Variants in ATOX1 observed in about 807,000 individuals in gnomAD.
ATOX1 encodes the protein antioxidant 1 copper chaperone.
In ATOX1, 4 loss-of-function variants were observed where a neutral mutation model predicts 7.3. That is an observed-to-expected ratio of 0.55 (90% confidence interval 0.27 to 1.25). The LOEUF is 1.25. Ranked by LOEUF, ATOX1 falls within the 50% of genes most tolerant of loss-of-function variation. The probability of loss-of-function intolerance (pLI) is 0.12; values close to 1 mark genes in which losing one functional copy is unlikely to be tolerated. For synonymous variants in ATOX1, 25 were observed against 28.7 expected, an observed-to-expected ratio of 0.87 and a Z score of 0.41; for missense variants, 68 against 81.6, an observed-to-expected ratio of 0.83 and a Z score of 0.64.
intron 2 of ATOX1, among the ~76,000 whole-genome samples, chr5:151,747,678 G>C (rs575960532): frequency 6.6e-6 from 1 of 151,752 alleles, no homozygotes; most frequent in Admixed American, 6.6e-5. Context: ...CCTGACTCCC[G>C]GGTTCAAGCG....
intron 2 of ATOX1, among the ~76,000 whole-genome samples, chr5:151,748,942 A>C (rs2113178930): frequency 6.6e-6 from 1 of 151,990 alleles, no homozygotes; most frequent in Non-Finnish European, 1.5e-5. Context: ...AAAAAACAAA[A>C]ACAAAAACAA....
Position 151,751,693 on chromosome 5 carries a change from C to A in ATOX1, c.82+11G>T. ...GGCATAAGTGCACCCAACTCAGGGCCACTCACTCACCTCCAAGCTTATTGA... is the reference window on the plus strand; with the variant it reads ...GGCATAAGTGCACCCAACTCAGGGCAACTCACTCACCTCCAAGCTTATTGA... On this transcript the variant is annotated intron_variant, in intron 2 of 3. Coordinates refer to ENST00000313115, the MANE Select transcript of ATOX1 (RefSeq NM_004045.4). 6.3e-7 allele frequency: 1 copy of A among 1,598,908 alleles called. No individual in the cohort carries two copies. The highest frequency in any genetic ancestry group is 8.5e-7 in the Non-Finnish European group (1 of 1,172,812).
chr5:151,751,919 C>T (rs930113792), intron 1 of ATOX1, 140 bp from the exon 2 acceptor site: 13 of 732,178 alleles, frequency 1.8e-5, no homozygotes, highest in Admixed American at 1.1e-4. Flanking sequence ...TCATCAGAAG[C>T]CTGTTTCTGA....
intron 1 of ATOX1, among the ~76,000 whole-genome samples, chr5:151,758,024 G>A (rs1225482066): frequency 6.6e-6 from 1 of 152,214 alleles, no homozygotes; most frequent in Non-Finnish European, 1.5e-5. Context: ...TCTCCATTCA[G>A]TGTCGCCCAG....
At chr5:151,749,906 T>G (rs1245220870) in intron 2 of ATOX1, among the ~76,000 whole-genome samples, 1 of 152,196 alleles carries the variant, frequency 6.6e-6, no homozygotes, top group Non-Finnish European at 1.5e-5. Flanking sequence ...GCAAGTCACT[T>G]AACCTCCTGG....
chr5:151,752,044 TG>T (rs1394579373), intron 1 of ATOX1: 1 of 597,754 alleles, frequency 1.7e-6, no homozygotes, highest in Non-Finnish European at 3.0e-6. Flanking sequence ...TAGAATCACC[TG>T]GAGATCTAGT....
chr5:151,746,429 G>C lies in ATOX1; in HGVS notation c.103C>G (p.Leu35Val). The change falls in exon 3 of 4, where the codon CTG (leucine) becomes GTG (valine). Residue 35 changes from leucine (L) to valine (V), a missense_variant. Transcript: ENST00000313115. ...TCAATGCAGACCTTCTTGTTGGGCAGGTCAATGTCATACTTAACTCCTGCA... is the reference window on the plus strand; with the variant it reads ...TCAATGCAGACCTTCTTGTTGGGCACGTCAATGTCATACTTAACTCCTGCA... ...KLGGVKYDIDLPNKKVCIESE... is the reference protein window; with the variant it reads ...KLGGVKYDIDVPNKKVCIESE... 3 of 1,613,856 alleles carry C rather than the reference G, an allele frequency of 1.9e-6. No individual in the cohort carries two copies. Among genetic ancestry groups the C allele is most frequent in the Non-Finnish European group, 2.5e-6 (3 of 1,179,806 alleles).
intron 3 of ATOX1, chr5:151,744,802 C>T (rs1761862606): frequency 6.6e-6 from 1 of 152,194 alleles, no homozygotes; most frequent in African/African-American, 2.4e-5. Context: ...ATGTAAGAAA[C>T]ACTGTTCTTC....
Position 151,754,877 on chromosome 5 carries a change from A to G in ATOX1, c.7-3098T>C, listed in dbSNP as rs28917185. Among the ~76,000 whole-genome samples the G allele has an allele frequency of 3.4e-4, 51 of 151,802 alleles. No individual in the cohort carries two copies. The East Asian group carries it at 9.3e-3, about 28-fold the overall frequency. ...CATGCGCCTGTAGTCCCAGCTACTC[A>G]AGAGGCTGAGGCAGGAGAATCGCTT... On this transcript the variant is annotated intron_variant, in intron 1 of 3. Transcript: ENST00000313115.
intron 1 of ATOX1, among the ~76,000 whole-genome samples, chr5:151,756,720 C>T (rs28917177): frequency 0.014 from 2,157 of 151,858 alleles, 49 homozygotes; most frequent in African/African-American, 0.048. Flanking sequence ...GTGATCTGCC[C>T]GCCTGGGCCT....
chr5:151,750,572 GAAGTA>G (rs1388514268), intron 2 of ATOX1, among the ~76,000 whole-genome samples: 17 of 136,514 alleles, frequency 1.2e-4, no homozygotes, highest in African/African-American at 4.6e-4. Context: ...TTTTTTTTTT[GAAGTA>G]AAGAAACAGA....
intron 1 of ATOX1, among the ~76,000 whole-genome samples, chr5:151,755,545 AG>A (rs934286458): frequency 6.6e-6 from 1 of 152,188 alleles, no homozygotes; most frequent in Non-Finnish European, 1.5e-5. Context: ...ACACATTTTT[AG>A]GGAGCACAGT....
At chr5:151,749,789 CAT>C (rs1328147258) in intron 2 of ATOX1, among the ~76,000 whole-genome samples, 1 of 152,130 alleles carries the variant, frequency 6.6e-6, no homozygotes, top group Non-Finnish European at 1.5e-5. Context: ...CCCACAGTCA[CAT>C]GACAAGTCAG....
In ATOX1 at chr5:151,752,011, A is replaced by G. The variant is rs1761957163; in HGVS notation, c.7-232T>C. On this transcript the variant is annotated intron_variant, in intron 1 of 3. Coordinates refer to ENST00000313115, the MANE Select transcript of ATOX1 (RefSeq NM_004045.4). ...ATGGAATCATCCCTATAAATCCTTT[A>G]GCAGTGTCTGGCACATAGTAAATAG... 5 of 599,314 alleles carry G rather than the reference A, an allele frequency of 8.3e-6. No individual in the cohort carries two copies. In the Admixed American group the frequency reaches 1.5e-4, roughly 18 times the overall value. 37.1% of individuals were successfully genotyped at this position (599,314 alleles called of 1,614,324 possible).
At chr5:151,749,983 C>T (rs913955791) in intron 2 of ATOX1, among the ~76,000 whole-genome samples, 4 of 152,156 alleles carry the variant, frequency 2.6e-5, no homozygotes, top group Non-Finnish European at 4.4e-5. Flanking sequence ...AATGAGATCA[C>T]GTCCATGTGG....
intron 2 of ATOX1, among the ~76,000 whole-genome samples, chr5:151,749,672 AAAAAG>A (rs1761920311): frequency 6.6e-6 from 1 of 151,734 alleles, no homozygotes; most frequent in Non-Finnish European, 1.5e-5. Flanking sequence ...AAAAAAAAAA[AAAAAG>A]AAAAAGAAAA....
intron 1 of ATOX1, among the ~76,000 whole-genome samples, chr5:151,757,695 T>C (rs1762035037): frequency 6.6e-6 from 1 of 152,202 alleles, no homozygotes; most frequent in Non-Finnish European, 1.5e-5. Flanking sequence ...CAAGCCGGTG[T>C]GACTGCTTTT....
At chr5:151,758,387 G>A (rs2113190419) in intron 1 of ATOX1, among the ~76,000 whole-genome samples, 159 bp downstream of exon 1, 1 of 152,380 alleles carries the variant, frequency 6.6e-6, no homozygotes, top group South Asian at 2.1e-4. Flanking sequence ...TTTCTGAAGG[G>A]TCGCAAAAGC....
In ATOX1 at chr5:151,758,329, C is replaced by G. The variant is rs568229692; in HGVS notation, c.6+217G>C. Among the ~76,000 whole-genome samples the G allele has an allele frequency of 7.9e-5, 12 of 152,366 alleles. No individual in the cohort carries two copies. The East Asian group carries it at 2.3e-3, about 29-fold the overall frequency. On this transcript the variant is annotated intron_variant, in intron 1 of 3. Coordinates refer to ENST00000313115, the MANE Select transcript of ATOX1 (RefSeq NM_004045.4). The stretch of plus-strand genomic sequence containing the variant: ...GTCGCCCCTGGAGGCCTTCCAGCTC[C>G]GACGTTTTGAAGCCTGGCTCCCAGA...
Sources: allele counts gnomAD v4.1 joint callset (sites outside exome capture counted in the v4.1 genomes callset), GRCh38; gene constraint gnomAD v4.1.1; transcripts MANE v1.5; gene names NCBI Gene and HGNC (gene_info 2026-07-23, HGNC 2026-07-21).